The following KDM6A variants were observed in gnomAD, a reference collection of about 807,000 sequenced individuals.
KDM6A encodes the protein lysine-specific demethylase 6A.
A neutral mutation model predicts 117.6 loss-of-function variants in KDM6A; 11 were observed. That is an observed-to-expected ratio of 0.09 (90% confidence interval 0.06 to 0.15). The LOEUF (loss-of-function observed/expected upper bound fraction) is 0.15, where lower values mean the gene tolerates loss of function less well. KDM6A is among the 10% of genes least tolerant of loss of function. The pLI, the probability that KDM6A is intolerant of heterozygous loss-of-function variation, is 1.00. For missense variants in KDM6A, 799 were observed against 1,077.3 expected (o/e 0.74, Z 3.62); for synonymous variants, 384 against 396.1 (o/e 0.97, Z 0.36).
At chrX:45,073,979 G>A (rs142899474) in intron 18 of KDM6A, among the ~76,000 whole-genome samples, 3,770 of 111,737 alleles carry the variant, frequency 0.034, 170 homozygotes, top group African/African-American at 0.12. Flanking sequence ...TATTGCCTAG[G>A]TTTTCTTCTA....
intron 2 of KDM6A, among the ~76,000 whole-genome samples, chrX:44,904,089 A>G (rs1395594764): frequency 1.8e-5 from 2 of 111,875 alleles, no homozygotes. Flanking sequence ...CCTTTGCAGT[A>G]TTGGCTTTTG....
rs1396415567 is a variant in KDM6A, at chrX:44,938,358, G to A, written c.226-22926G>A. On this transcript the variant is annotated intron_variant, in intron 2 of 29. Coordinates refer to ENST00000611820, the MANE Select transcript of KDM6A (RefSeq NM_001291415.2). The stretch of plus-strand genomic sequence containing the variant: ...ACTGCTGACATAGCAAACTTTGAGT[G>A]GTCTAGGTGGAAAATCGAACCAGCC... 7.9e-4 allele frequency among the ~76,000 whole-genome samples: 88 copies of A among 111,808 alleles called. 2 individuals are homozygous for A. The highest frequency in any genetic ancestry group is 5.6e-5 in the Non-Finnish European group (3 of 53,183).
chrX:44,925,658 G>A, intron 2 of KDM6A, among the ~76,000 whole-genome samples: 1 of 111,541 alleles, frequency 9.0e-6, no homozygotes, highest in Non-Finnish European at 1.9e-5. Context: ...CACCATGAAA[G>A]GGAGTAAGGA....
intron 27 of KDM6A, among the ~76,000 whole-genome samples, chrX:45,096,310 C>T (rs1267725621): frequency 9.0e-6 from 1 of 111,468 alleles, no homozygotes; most frequent in Non-Finnish European, 1.9e-5. Flanking sequence ...CCTTCTCATC[C>T]GCTCCCTCCC....
intron 4 of KDM6A, among the ~76,000 whole-genome samples, chrX:44,997,746 G>C (rs924919805): frequency 8.9e-6 from 1 of 111,961 alleles, no homozygotes. Flanking sequence ...ACTCACTCTG[G>C]GTTTTTGGGA....
At chrX:45,086,353 GGCTGTGAATAACTCAA>G (rs750307820) in intron 25 of KDM6A, 1 of 155,377 alleles carries the variant, frequency 6.4e-6, no homozygotes, top group East Asian at 1.8e-4. Context: ...CACCCGTATA[GGCTGTGAATAACTCAA>G]GCTTGACCAT....
At chrX:44,883,736 G>T (rs2032545228) in intron 2 of KDM6A, among the ~76,000 whole-genome samples, 1 of 111,447 alleles carries the variant, frequency 9.0e-6, no homozygotes, top group South Asian at 3.8e-4. Context: ...TCAGCATTTA[G>T]CCTTGGTTAT....
At chrX:45,051,909 G>A in intron 9 of KDM6A, 107 bp downstream of exon 9, 1 of 484,182 alleles carries the variant, frequency 2.1e-6, no homozygotes, top group Non-Finnish European at 3.6e-6. Context: ...TTTGCTCAGA[G>A]TTGATAAAAT....
chrX:44,931,146 C>T (rs1424861834), intron 2 of KDM6A, among the ~76,000 whole-genome samples: 2 of 111,139 alleles, frequency 1.8e-5, no homozygotes, highest in East Asian at 5.6e-4. Flanking sequence ...CTCACTGCAA[C>T]CTCCGCCTCC....
intron 6 of KDM6A, among the ~76,000 whole-genome samples, chrX:45,033,959 CTT>C (rs758234171): frequency 9.0e-6 from 1 of 110,691 alleles, no homozygotes; most frequent in African/African-American, 3.3e-5. Flanking sequence ...ATCAATAACT[CTT>C]TAGATTTTTG....
chrX:45,074,575 G>T (rs1258241596), intron 18 of KDM6A, among the ~76,000 whole-genome samples: 1 of 111,790 alleles, frequency 8.9e-6, no homozygotes, highest in Non-Finnish European at 1.9e-5. Context: ...AAACTGCTAG[G>T]TATGACTTGA....
chrX:44,875,597 GTATTT>G (rs1312244186), intron 2 of KDM6A, among the ~76,000 whole-genome samples: 1 of 107,130 alleles, frequency 9.3e-6, no homozygotes, highest in African/African-American at 3.4e-5. Context: ...AGTATTTAAA[GTATTT>G]TATTTAAAAA....
chrX:45,106,426 A>G lies in KDM6A; in HGVS notation c.4035-984A>G, dbSNP rs181475392. ...TTAGTTGTGTATTGATTAAGCTACT[A>G]TATGCTAGGCACTGCCCTAGGTGGT... On this transcript the variant is annotated intron_variant, in intron 27 of 29. Coordinates refer to ENST00000611820, the MANE Select transcript of KDM6A (RefSeq NM_001291415.2). 5.1e-4 allele frequency: 124 copies of G among 241,147 alleles called. No homozygotes were observed. The East Asian group carries it at 9.8e-3, about 19-fold the overall frequency. 19.9% of individuals were successfully genotyped at this position (241,147 alleles called of 1,213,427 possible).
At chrX:45,050,068 G>C (rs746840780) in intron 8 of KDM6A, among the ~76,000 whole-genome samples, 6 of 113,046 alleles carry the variant, frequency 5.3e-5, no homozygotes, top group South Asian at 3.6e-4. Flanking sequence ...CGCTGGACGC[G>C]GTGGCTCACG....
At chrX:44,921,444 TAC>T (rs1339128094) in intron 2 of KDM6A, among the ~76,000 whole-genome samples, 2 of 111,648 alleles carry the variant, frequency 1.8e-5, no homozygotes, top group South Asian at 7.5e-4. Flanking sequence ...TAACCACAAC[TAC>T]AGTCAAGATA....
At chrX:45,074,590 A>G (rs1175379746) in intron 18 of KDM6A, among the ~76,000 whole-genome samples, 4 of 111,939 alleles carry the variant, frequency 3.6e-5, no homozygotes, top group Non-Finnish European at 7.5e-5. Flanking sequence ...ACTTGAATGC[A>G]CTATTGGATA....
intron 8 of KDM6A, among the ~76,000 whole-genome samples, chrX:45,043,274 A>G (rs1430661388): frequency 9.0e-6 from 1 of 111,326 alleles, no homozygotes; most frequent in Non-Finnish European, 1.9e-5. Context: ...TGGGTGACAA[A>G]GCGAGACCCC....
chrX:44,917,828 G>A (rs1308201583), intron 2 of KDM6A, among the ~76,000 whole-genome samples: 1 of 112,081 alleles, frequency 8.9e-6, no homozygotes, highest in Non-Finnish European at 1.9e-5. Context: ...TGTTATTGGG[G>A]TTTTATTTTT....
At chrX:45,096,661 A>C (rs150904572) in intron 27 of KDM6A, among the ~76,000 whole-genome samples, 4,279 of 111,628 alleles carry the variant, frequency 0.038, 220 homozygotes, top group African/African-American at 0.13. Context: ...CCACAGTGAG[A>C]TACCATCTCA....
Sources: gnomAD v4.1 joint callset for allele counts (sites outside exome capture counted in the v4.1 genomes callset) on GRCh38, gnomAD v4.1.1 for gene constraint, MANE v1.5 for transcripts, NCBI Gene and HGNC (gene_info 2026-07-23, HGNC 2026-07-21) for gene names.